The following ANTKMT variants were observed in gnomAD, a reference collection of about 807,000 sequenced individuals.
ANTKMT encodes the protein adenine nucleotide translocase lysine methyltransferase.
A neutral mutation model predicts 20.7 loss-of-function variants in ANTKMT; 24 were observed. The ratio of observed to expected loss-of-function variants is 1.16; its 90% CI spans 0.84 to 1.63. ANTKMT has a LOEUF of 1.63. Ranked by LOEUF, ANTKMT falls within the 40% of genes most tolerant of loss-of-function variation. The pLI, the probability that ANTKMT is intolerant of heterozygous loss-of-function variation, is 0.00. For synonymous variants in ANTKMT, 193 were observed against 161.2 expected (o/e 1.20, Z -1.49); for missense variants, 428 against 334.8 (o/e 1.28, Z -2.17).
rs771745454 is a variant in ANTKMT at position 722,510 on chromosome 16, C to T, written c.661C>T (p.Pro221Ser). The stretch of plus-strand genomic sequence containing the variant: ...GATACCCATCCAGGCTGCCCCCGGA[C>T]CTAGTTCTGCCCCCATCCCGGGGGG... ...SRIPIQAAPG[P>S]SSAPIPGGLI... Residue 221 changes from proline (P) to serine (S), a missense_variant, in exon 5 of 5, where the codon CCT becomes TCT. Transcript: ENST00000569529. The T allele has an allele frequency of 1.8e-5, 29 of 1,612,118 alleles. No individual in the cohort carries two copies. Among genetic ancestry groups the T allele is most frequent in the African/African-American group, 4.0e-5 (3 of 74,896 alleles).
At position 722,456 on chromosome 16, in the gene ANTKMT, G is replaced by T. The variant is rs1166551335; in HGVS notation, c.607G>T (p.Gly203Trp). Reference protein sequence around the residue: ...RVWAYDVPEGGQAGEAASSRI... With the variant: ...RVWAYDVPEGWQAGEAASSRI... ...ATGGGCTTATGATGTTCCTGAGGGT[G>T]GGCAGGCTGGGGAGGCCGCCTCCTC... The change falls in exon 5 of 5, where the codon GGG becomes TGG. Residue 203 changes from glycine (G) to tryptophan (W), a missense_variant. Gly to Trp is a radical substitution (Grantham distance 184). Transcript: ENST00000569529. The T allele has an allele frequency of 6.2e-7, 1 of 1,611,450 alleles. No individual in the cohort carries two copies. Among genetic ancestry groups the T allele is most frequent in the South Asian group, 1.1e-5 (1 of 90,772 alleles).
Position 721,221 on chromosome 16 carries a change from C to G in ANTKMT, c.-54C>G. ...CAGCCCCAGGCCAGGCTGCGAGGGC[C>G]GCGGACCCGAGCCGGGAAGGACCTT... On this transcript the variant is annotated 5_prime_UTR_variant, in exon 1 of 5. Coordinates refer to ENST00000569529, the MANE Select transcript of ANTKMT (RefSeq NM_023933.3). 8.2e-7 allele frequency: 1 copy of G among 1,217,388 alleles called. No homozygotes were observed. The highest frequency in any genetic ancestry group is 1.0e-6 in the Non-Finnish European group (1 of 977,500). The allele number at this position is 1,217,388 out of a possible 1,614,324, so 75.4% of individuals were successfully genotyped here.
chr16:721,986 G>T (rs1252701397), intron 3 of ANTKMT, 45 bp downstream of exon 3: 3 of 1,554,292 alleles, frequency 1.9e-6, no homozygotes, highest in Non-Finnish European at 2.6e-6. Context: ...CCAAGGTGCG[G>T]CTGACACCTG....
chr16:722,474 G>T lies in ANTKMT; in HGVS notation c.625G>T (p.Ala209Ser), dbSNP rs374223722. 36 of 1,611,890 alleles carry T rather than the reference G, an allele frequency of 2.2e-5. No homozygotes were observed. Among genetic ancestry groups the T allele is most frequent in the Non-Finnish European group, 2.2e-5 (26 of 1,179,728 alleles). Residue 209 changes from alanine (A) to serine (S), a missense_variant, in exon 5 of 5, where the codon GCC becomes TCC. Physicochemically the swap from Ala to Ser is moderately conservative, Grantham distance 99 (BLOSUM62 1). Coordinates refer to ENST00000569529, the MANE Select transcript of ANTKMT (RefSeq NM_023933.3). ...TGAGGGTGGGCAGGCTGGGGAGGCC[G>T]CCTCCTCGCGGATACCCATCCAGGC... ...VPEGGQAGEA[A>S]SSRIPIQAAP...
In ANTKMT at chr16:721,374, G is replaced by T; in HGVS notation, c.100G>T (p.Ala34Ser). 3 of 1,323,924 alleles carry T rather than the reference G, an allele frequency of 2.3e-6. No individual in the cohort carries two copies. Among genetic ancestry groups the T allele is most frequent in the Non-Finnish European group, 2.9e-6 (3 of 1,041,034 alleles). The allele number at this position is 1,323,924 out of a possible 1,614,324, so 82.0% of individuals were successfully genotyped here. ...LQAAAGSGLA[A>S]YAVWALLLQP... ...GGCGGCGGCCGGCTCGGGCTTGGCA[G>T]CCTACGCGGTGTGGGCGCTGCTGCT... Residue 34 changes from alanine (A) to serine (S), a missense_variant, in exon 1 of 5, where the codon GCC becomes TCC. Transcript: ENST00000569529.
chr16:722,334 G>T lies in ANTKMT; in HGVS notation c.485G>T (p.Arg162Leu), dbSNP rs778017814. The T allele has an allele frequency of 6.2e-7, 1 of 1,609,338 alleles. No homozygotes were observed. Among genetic ancestry groups the T allele is most frequent in the East Asian group, 2.2e-5 (1 of 44,760 alleles). ...CTCCCGCTGCTGGAGGACAAGCTGC[G>T]GACAGAGCTGCCTGCTGGGGCCCGC... ...SVLPLLEDKL[R>L]TELPAGARVV... The change falls in exon 5 of 5, where the codon CGG becomes CTG. Residue 162 changes from arginine to leucine, a missense_variant. Arg to Leu is a moderately radical substitution (Grantham distance 102, BLOSUM62 -2). Transcript: ENST00000569529.
rs1455967296 is a variant in ANTKMT at position 721,591 on chromosome 16, G to A, written c.163-7G>A. 6.5e-7 allele frequency: 1 copy of A among 1,539,194 alleles called. No homozygotes were observed. The highest frequency in any genetic ancestry group is 1.2e-5 in the South Asian group (1 of 83,160). On this transcript the variant is annotated splice_polypyrimidine_tract_variant and splice_region_variant and intron_variant, in intron 1 of 4. Coordinates refer to ENST00000569529, the MANE Select transcript of ANTKMT (RefSeq NM_023933.3). ...GGCCAGTGGACTCTCGCCGCCACCC[G>A]GTCCAGGTGCCCTACGTCGGCGCGA...
Position 722,103 on chromosome 16 carries a change from G to A in ANTKMT, c.428G>A (p.Arg143His), listed in dbSNP as rs1300492922. 4 of 1,608,322 alleles carry A rather than the reference G, an allele frequency of 2.5e-6. No individual in the cohort carries two copies. Among genetic ancestry groups the A allele is most frequent in the African/African-American group, 1.3e-5 (1 of 74,808 alleles). The change falls in exon 4 of 5, where the codon CGC (arginine) becomes CAC (histidine). Residue 143 changes from arginine to histidine, a missense_variant. Physicochemically the swap from Arg to His is conservative, Grantham distance 29. Transcript: ENST00000569529. ...CGGCAGGTGAGCCTGAGGGACTGCC[G>A]CAACGTGTCTGTGTTCCTGGCCCCT... ...DLWKVSLRDC[R>H]NVSVFLAPSV... is the part of the protein sequence containing the mutation.
rs149844405 is a variant in ANTKMT at position 721,422 on chromosome 16, C to G, written c.148C>G (p.Pro50Ala). ...GCTCCAGCCCGGCTTCCGGCGCGTGCCGCTGCGGCTGCAGGTGCGGGGCGG... is the reference window on the plus strand; with the variant it reads ...GCTCCAGCCCGGCTTCCGGCGCGTGGCGCTGCGGCTGCAGGTGCGGGGCGG... Reference protein sequence around the residue: ...LLLQPGFRRVPLRLQVPYVGA... With the variant: ...LLLQPGFRRVALRLQVPYVGA... The change falls in exon 1 of 5, where the codon CCG (proline) becomes GCG (alanine). Residue 50 changes from proline to alanine, a missense_variant. Coordinates refer to ENST00000569529, the MANE Select transcript of ANTKMT (RefSeq NM_023933.3). 8 of 1,297,612 alleles carry G rather than the reference C, an allele frequency of 6.2e-6. No individual in the cohort carries two copies. The East Asian group carries it at 2.6e-4, about 42-fold the overall frequency. The allele number at this position is 1,297,612 out of a possible 1,614,324, so 80.4% of individuals were successfully genotyped here. A position where few individuals can be genotyped will look rare whatever the true frequency, so the allele number is the denominator to read the frequency against.
chr16:722,293 C>G lies in ANTKMT; in HGVS notation c.460-16C>G, dbSNP rs2040271429. The G allele has an allele frequency of 6.2e-7, 1 of 1,605,198 alleles. No individual in the cohort carries two copies. Among genetic ancestry groups the G allele is most frequent in the African/African-American group, 1.3e-5 (1 of 74,952 alleles). On this transcript the variant is annotated splice_polypyrimidine_tract_variant and intron_variant, in intron 4 of 4. Transcript: ENST00000569529. ...CCCCGCCCCCGCCCCCTCTACTCTG[C>G]TGTTCTCTCCCTCAGCTCCCGCTGC...
chr16:721,625 C>A lies in ANTKMT; in HGVS notation c.190C>A (p.Gln64Lys). 1 of 1,545,812 alleles carries A rather than the reference C, an allele frequency of 6.5e-7. No homozygotes were observed. The highest frequency in any genetic ancestry group is 8.7e-7 in the Non-Finnish European group (1 of 1,146,120). Reference protein sequence around the residue: ...QVPYVGASARQVEHVLSLLRG... With the variant: ...QVPYVGASARKVEHVLSLLRG... ...GCCCTACGTCGGCGCGAGCGCGCGG[C>A]AGGTGGAGCACGTGTTGTCGCTGCT... Residue 64 changes from glutamine to lysine, a missense_variant, in exon 2 of 5, where the codon CAG (glutamine) becomes AAG (lysine). By Grantham distance (53) the Gln-to-Lys change is moderately conservative (BLOSUM62 1). Transcript: ENST00000569529.
chr16:721,494 T>C, intron 1 of ANTKMT, 58 bp downstream of exon 1: 7 of 1,416,850 alleles, frequency 4.9e-6, no homozygotes, highest in Non-Finnish European at 6.4e-6. Context: ...GGTCTCAAGG[T>C]CTGGGCGTGG....
rs1249817626 is a variant in ANTKMT at position 722,439 on chromosome 16, A to T, written c.590A>T (p.Tyr197Phe). ...GAGGGCCTGGACCGAGTATGGGCTT[A>T]TGATGTTCCTGAGGGTGGGCAGGCT... ...VGEGLDRVWA[Y>F]DVPEGGQAGE... is the part of the protein sequence containing the mutation. Residue 197 changes from tyrosine (Y) to phenylalanine (F), a missense_variant, in exon 5 of 5, where the codon TAT (tyrosine) becomes TTT (phenylalanine). Coordinates refer to ENST00000569529, the MANE Select transcript of ANTKMT (RefSeq NM_023933.3). 3 of 1,610,430 alleles carry T rather than the reference A, an allele frequency of 1.9e-6. No homozygotes were observed. The highest frequency in any genetic ancestry group is 1.7e-6 in the Non-Finnish European group (2 of 1,178,864).
chr16:721,311 C>A lies in ANTKMT; in HGVS notation c.37C>A (p.Leu13Met). The change falls in exon 1 of 5, where the codon CTG becomes ATG. Residue 13 changes from leucine (L) to methionine (M), a missense_variant. Leu to Met is a conservative substitution (Grantham distance 15). Coordinates refer to ENST00000569529, the MANE Select transcript of ANTKMT (RefSeq NM_023933.3). ...CGACCCGGTCGAGGCGCTGACGGAG[C>A]TGCGCGAGCGGCGGCTGGGCGCGCT... Reference protein sequence around the residue: ...QDDPVEALTELRERRLGALEL... With the variant: ...QDDPVEALTEMRERRLGALEL... The A allele has an allele frequency of 1.5e-6, 2 of 1,347,968 alleles. No individual in the cohort carries two copies. The highest frequency in any genetic ancestry group is 1.9e-6 in the Non-Finnish European group (2 of 1,050,288). The allele number at this position is 1,347,968 out of a possible 1,614,324, so 83.5% of individuals were successfully genotyped here. A position where few individuals can be genotyped will look rare whatever the true frequency, so the allele number is the denominator to read the frequency against.
Position 722,504 on chromosome 16 carries a change from C to G in ANTKMT, c.655C>G (p.Pro219Ala). Residue 219 changes from proline to alanine, a missense_variant, in exon 5 of 5, where the codon CCC becomes GCC. By Grantham distance (27) the Pro-to-Ala change is conservative (BLOSUM62 -1). Transcript: ENST00000569529. ...ASSRIPIQAAPGPSSAPIPGG... is the reference protein window; with the variant it reads ...ASSRIPIQAAAGPSSAPIPGG... ...CTCGCGGATACCCATCCAGGCTGCC[C>G]CCGGACCTAGTTCTGCCCCCATCCC... 6.2e-7 allele frequency: 1 copy of G among 1,612,310 alleles called. No individual in the cohort carries two copies. Among genetic ancestry groups the G allele is most frequent in the Non-Finnish European group, 8.5e-7 (1 of 1,179,894 alleles).
At position 722,526 on chromosome 16, in the gene ANTKMT, T is replaced by TC. The variant is rs751989245; in HGVS notation, c.680dup (p.Leu230ProfsTer?). The stretch of plus-strand genomic sequence containing the variant: ...GCCCCCGGACCTAGTTCTGCCCCCA[T>TC]CCCGGGGGGCCTTATTTCTCAGGCC... On this transcript the variant is annotated frameshift_variant, in exon 5 of 5. Transcript: ENST00000569529. LOFTEE classifies it low-confidence loss of function (END_TRUNC). The TC allele has an allele frequency of 2.5e-6, 4 of 1,594,350 alleles. No homozygotes were observed. The highest frequency in any genetic ancestry group is 3.4e-6 in the Non-Finnish European group (4 of 1,171,446).
Position 721,702 on chromosome 16 carries a change from CGTAAGTGCCTGCGTCTGG to C in ANTKMT, c.267+3_267+20del. 1.3e-6 allele frequency: 2 copies of C among 1,549,086 alleles called. No homozygotes were observed. Among genetic ancestry groups the C allele is most frequent in the Non-Finnish European group, 1.7e-6 (2 of 1,146,876 alleles). On this transcript the variant is annotated splice_donor_variant and splice_donor_5th_base_variant and intron_variant, in intron 2 of 4. Transcript: ENST00000569529. LOFTEE classifies it high-confidence loss of function. ...ATCTGGGCTCTGGCGACGGCAGGAT[CGTAAGTGCCTGCGTCTGG>C]GTCTTCGCCGCCCCACACCGCCCAC...
chr16:721,506 C>T (rs1450164297), intron 1 of ANTKMT, 70 bp downstream of exon 1: 2 of 1,427,588 alleles, frequency 1.4e-6, no homozygotes, highest in Non-Finnish European at 1.8e-6. Context: ...TGGGCGTGGC[C>T]GGGGTGAGCT....
In ANTKMT at chr16:721,718, T is replaced by C; in HGVS notation, c.267+16T>C. 6.5e-7 allele frequency: 1 copy of C among 1,547,102 alleles called. No homozygotes were observed. The highest frequency in any genetic ancestry group is 8.7e-7 in the Non-Finnish European group (1 of 1,145,768). ...CGGCAGGATCGTAAGTGCCTGCGTCTGGGTCTTCGCCGCCCCACACCGCCC... is the reference window on the plus strand; with the variant it reads ...CGGCAGGATCGTAAGTGCCTGCGTCCGGGTCTTCGCCGCCCCACACCGCCC... On this transcript the variant is annotated intron_variant, in intron 2 of 4. Transcript: ENST00000569529.
Sources: allele counts gnomAD v4.1 joint callset, GRCh38; gene constraint gnomAD v4.1.1; transcripts MANE v1.5; gene names NCBI Gene and HGNC (gene_info 2026-07-23, HGNC 2026-07-21).